Variants in SPTA1 observed in about 807,000 individuals in gnomAD.
The protein encoded by SPTA1 is spectrin alpha, erythrocytic 1, also known as spectrin alpha chain, erythrocytic 1.
SPTA1 carries 177 observed loss-of-function variants against 324.7 expected under a neutral mutation model. The observed-to-expected ratio is 0.55, with a 90% CI of 0.48 to 0.62. The LOEUF is 0.62. Among genes scored for constraint, SPTA1 ranks in the 20% least tolerant of loss-of-function variants. SPTA1 has a pLI of 0.00. For synonymous variants in SPTA1, 1,195 were observed against 1,041.3 expected (o/e 1.15, Z -2.84); for missense variants, 3,162 against 2,883.6 (o/e 1.10, Z -2.21).
intron 11 of SPTA1, 39 bp downstream of exon 11, chr1:158,672,020 G>T: frequency 1.2e-6 from 2 of 1,612,528 alleles, no homozygotes; most frequent in Non-Finnish European, 1.7e-6. Context: ...AAGGGTGAGA[G>T]AAATTACTTC....
intron 42 of SPTA1, among the ~76,000 whole-genome samples, chr1:158,624,908 G>T (rs1005440377): frequency 1.3e-5 from 2 of 152,188 alleles, no homozygotes; most frequent in Non-Finnish European, 2.9e-5. Context: ...TGCCTGAAAG[G>T]CCACAGAGGC....
At chr1:158,655,037 A>G (rs1162039417) in intron 20 of SPTA1, among the ~76,000 whole-genome samples, 1 of 152,180 alleles carries the variant, frequency 6.6e-6, no homozygotes, top group Non-Finnish European at 1.5e-5. Flanking sequence ...AAATGGGAGG[A>G]GTACATTTTA....
At chr1:158,649,459 T>A (rs1652257288) in intron 25 of SPTA1, among the ~76,000 whole-genome samples, 1 of 152,212 alleles carries the variant, frequency 6.6e-6, no homozygotes, top group South Asian at 2.1e-4. Context: ...TTTCATTTTT[T>A]ATTTTTTTGT....
At chr1:158,661,253 A>T in intron 18 of SPTA1, 34 bp downstream of exon 18, 2 of 1,613,640 alleles carry the variant, frequency 1.2e-6, no homozygotes, top group Non-Finnish European at 8.5e-7. Flanking sequence ...TGGCCTGGTG[A>T]TGTTTTGTCC....
In SPTA1 at chr1:158,666,365, T is replaced by C. The variant is rs1163021908; in HGVS notation, c.2171A>G (p.Asn724Ser). The change falls in exon 16 of 52, where the codon AAT (asparagine) becomes AGT (serine). Residue 724 changes from asparagine (N) to serine (S), a missense_variant. By Grantham distance (46) the Asn-to-Ser change is conservative. Transcript: ENST00000643759. ...CAGGAGGCCGTGTTTCCTGAGTCGA[T>C]TCTGTACCTCGGCCAGGCCTTTCCC... ...DYGKGLAEVQNRLRKHGLLES... is the reference protein window; with the variant it reads ...DYGKGLAEVQSRLRKHGLLES... 1.2e-6 allele frequency: 2 copies of C among 1,613,460 alleles called. No homozygotes were observed. The highest frequency in any genetic ancestry group is 1.7e-6 in the Non-Finnish European group (2 of 1,179,768).
chr1:158,673,270 C>T (rs1654156328), intron 10 of SPTA1, among the ~76,000 whole-genome samples: 1 of 152,058 alleles, frequency 6.6e-6, no homozygotes, highest in South Asian at 2.1e-4. Context: ...TGGGAGAATT[C>T]AAAACTCGGT....
chr1:158,681,204 C>G (rs760931506), intron 4 of SPTA1, among the ~76,000 whole-genome samples: 8 of 152,036 alleles, frequency 5.3e-5, no homozygotes, highest in Non-Finnish European at 1.0e-4. Context: ...CTCAGCCAGA[C>G]CCCAGAGTAA....
At chr1:158,640,560 C>T (rs1371090622) in intron 33 of SPTA1, among the ~76,000 whole-genome samples, 4 of 152,180 alleles carry the variant, frequency 2.6e-5, no homozygotes, top group Admixed American at 6.5e-5. Context: ...GAGTGAACTC[C>T]CATTCACAAT....
chr1:158,641,897 T>C (rs367567532), intron 33 of SPTA1, among the ~76,000 whole-genome samples: 2 of 152,178 alleles, frequency 1.3e-5, no homozygotes, highest in Admixed American at 6.5e-5. Flanking sequence ...ATAGCAAAGA[T>C]TTGGAACCAA....
At chr1:158,656,345 A>C (rs1412610876) in intron 20 of SPTA1, among the ~76,000 whole-genome samples, 2 of 152,244 alleles carry the variant, frequency 1.3e-5, no homozygotes, top group Non-Finnish European at 2.9e-5. Flanking sequence ...AAATACATCA[A>C]TGAAGACATG....
In SPTA1 at chr1:158,645,019, A is replaced by G. The variant is rs1651886118; in HGVS notation, c.4194+169T>C. Among the ~76,000 whole-genome samples, 3 of 152,206 alleles carry G rather than the reference A, an allele frequency of 2.0e-5. No individual in the cohort carries two copies. In the South Asian group the frequency reaches 6.2e-4, roughly 32 times the overall value. ...CTAACAAGAAAGAGCAGAGAATATG[A>G]CAATGATCGGTATAGAAAGCATAGT... On this transcript the variant is annotated intron_variant, in intron 29 of 51. Transcript: ENST00000643759.
intron 24 of SPTA1, 114 bp from the exon 25 acceptor site, chr1:158,650,061 G>T: frequency 1.3e-6 from 1 of 792,582 alleles, no homozygotes; most frequent in Non-Finnish European, 2.2e-6. Context: ...ATTTTCTTCA[G>T]AAATTGCATA....
At position 158,677,771 on chromosome 1, in the gene SPTA1, A is replaced by G. The variant is rs181976789; in HGVS notation, c.876T>C (p.Tyr292=). 274 of 1,613,784 alleles carry G rather than the reference A, an allele frequency of 1.7e-4. No homozygotes were observed. Among genetic ancestry groups the G allele is most frequent in the Non-Finnish European group, 2.2e-4 (264 of 1,179,784 alleles). ...CTTCAGAGGCAACAAGGTCTTTGCC[A>G]TAGTCCTCAGAGGTGAGTACAGGTT... ...EKEPVLTSED[Y]GKDLVASEGL... The change falls in exon 7 of 52, where the codon TAT becomes TAC. Residue 292 remains tyrosine, a synonymous_variant. Coordinates refer to ENST00000643759, the MANE Select transcript of SPTA1 (RefSeq NM_003126.4).
chr1:158,645,611 A>G lies in SPTA1; in HGVS notation c.3897-17T>C, dbSNP rs1302179358. The G allele has an allele frequency of 6.2e-7, 1 of 1,613,356 alleles. No individual in the cohort carries two copies. The highest frequency in any genetic ancestry group is 1.3e-5 in the African/African-American group (1 of 74,898). On this transcript the variant is annotated splice_polypyrimidine_tract_variant and intron_variant, in intron 27 of 51. Transcript: ENST00000643759. ...TGCAGATCCCTAGATAAACAGACAC[A>G]TTGGAATTGACAAGAAAACCTTGCA...
chr1:158,634,663 C>A lies in SPTA1; in HGVS notation c.5445G>T (p.Leu1815Phe). Reference sequence around the variant, plus strand: ...ATTGCAAGTATTCTAGGGATTCTTCCAACTTAAGTCCTCTATAACAAGGTG... The same window carrying A: ...ATTGCAAGTATTCTAGGGATTCTTCAAACTTAAGTCCTCTATAACAAGGTG... ...KELAKARGLK[L>F]EESLEYLQFM... The change falls in exon 39 of 52, where the codon TTG (leucine) becomes TTT (phenylalanine). Residue 1815 changes from leucine (L) to phenylalanine (F), a missense_variant. Leu to Phe is a conservative substitution (Grantham distance 22). Transcript: ENST00000643759. The A allele has an allele frequency of 6.2e-7, 1 of 1,614,060 alleles. No individual in the cohort carries two copies. The highest frequency in any genetic ancestry group is 2.2e-5 in the East Asian group (1 of 44,866).
At chr1:158,655,215 G>A (rs1043344403) in intron 20 of SPTA1, among the ~76,000 whole-genome samples, 3 of 151,780 alleles carry the variant, frequency 2.0e-5, no homozygotes, top group Non-Finnish European at 2.9e-5. Context: ...CAGGAGCTCC[G>A]GACCTTCTAT....
intron 22 of SPTA1, 56 bp from the exon 23 acceptor site, chr1:158,652,709 G>A: frequency 1.3e-6 from 2 of 1,584,552 alleles, no homozygotes; most frequent in Non-Finnish European, 1.7e-6. Flanking sequence ...CAGAAGAGTA[G>A]AGGCTGAGTG....
At chr1:158,649,062 C>A (rs1458913364) in intron 25 of SPTA1, among the ~76,000 whole-genome samples, 1 of 152,146 alleles carries the variant, frequency 6.6e-6, no homozygotes, top group Non-Finnish European at 1.5e-5. Flanking sequence ...TCCTTCCCTG[C>A]ATCATCAAAA....
chr1:158,675,849 T>C (rs898172672), intron 8 of SPTA1, among the ~76,000 whole-genome samples: 2 of 152,170 alleles, frequency 1.3e-5, no homozygotes, highest in Non-Finnish European at 2.9e-5. Flanking sequence ...TCATGCCTCT[T>C]AGAATAATAA....
Sources: gnomAD v4.1 joint callset for allele counts (sites outside exome capture counted in the v4.1 genomes callset) on GRCh38, gnomAD v4.1.1 for gene constraint, MANE v1.5 for transcripts, NCBI Gene and HGNC (gene_info 2026-07-23, HGNC 2026-07-21) for gene names.